Variants in PRKN observed in about 807,000 individuals in gnomAD.
PRKN encodes the protein E3 ubiquitin-protein ligase parkin.
In PRKN, 56 loss-of-function variants were observed where a neutral mutation model predicts 59.5. The ratio of observed to expected loss-of-function variants is 0.94; its 90% CI spans 0.76 to 1.18. The LOEUF is 1.18. PRKN is among the 50% of genes most tolerant of loss of function. PRKN has a pLI of 0.00. For synonymous variants in PRKN, 250 were observed against 222.1 expected (o/e 1.13, Z -1.12); for missense variants, 657 against 596.4 (o/e 1.10, Z -1.06).
At chr6:162,359,079 A>AATATATATATATATATATATATAT (rs1554304695) in intron 2 of PRKN, among the ~76,000 whole-genome samples, 7 of 83,244 alleles carry the variant, frequency 8.4e-5, no homozygotes, top group African/African-American at 5.1e-4. Flanking sequence ...AAAAAAAAAA[A>AATATATATATATATATATATATAT]ATATATATAT....
chr6:162,701,864 T>C (rs1041363235), intron 1 of PRKN, among the ~76,000 whole-genome samples: 15 of 115,738 alleles, frequency 1.3e-4, no homozygotes, highest in South Asian at 5.9e-4. Context: ...CATACATACA[T>C]ACACACACAC....
At chr6:161,431,125 C>A (rs545746266) in intron 9 of PRKN, among the ~76,000 whole-genome samples, 1 of 122,240 alleles carries the variant, frequency 8.2e-6, no homozygotes. Context: ...GGCAACAGAG[C>A]GAGACTCTGT....
At chr6:162,498,445 T>TC (rs1451262860) in intron 1 of PRKN, among the ~76,000 whole-genome samples, 2 of 108,476 alleles carry the variant, frequency 1.8e-5, no homozygotes, top group African/African-American at 3.7e-5. Flanking sequence ...TTTTCTTTTT[T>TC]TTTTTTTTTT....
At chr6:161,613,360 C>A (rs188161604) in intron 7 of PRKN, among the ~76,000 whole-genome samples, 77 of 147,398 alleles carry the variant, frequency 5.2e-4, no homozygotes, top group Admixed American at 1.3e-3. Flanking sequence ...CTTATGGATG[C>A]GCAAAGATTT....
chr6:162,350,449 T>TA (rs2128130877), intron 2 of PRKN, among the ~76,000 whole-genome samples: 1 of 152,212 alleles, frequency 6.6e-6, no homozygotes, highest in Admixed American at 6.5e-5. Context: ...CAAGCTACCG[T>TA]AAAAAAGAGT....
At chr6:161,595,068 G>A (rs190489606) in intron 7 of PRKN, among the ~76,000 whole-genome samples, 16 of 152,342 alleles carry the variant, frequency 1.1e-4, no homozygotes, top group African/African-American at 2.4e-4. Flanking sequence ...AAACAATGCC[G>A]TGAGAAATCT....
At chr6:161,885,278 A>C (rs1795092183) in intron 6 of PRKN, among the ~76,000 whole-genome samples, 1 of 152,162 alleles carries the variant, frequency 6.6e-6, no homozygotes, top group Admixed American at 6.6e-5. Context: ...GCGTATGGGA[A>C]GTGCTAGTTT....
At chr6:161,635,437 T>C (rs1167167791) in intron 7 of PRKN, among the ~76,000 whole-genome samples, 5 of 152,214 alleles carry the variant, frequency 3.3e-5, no homozygotes, top group African/African-American at 1.2e-4. Flanking sequence ...AATGCTTTGC[T>C]AGTCTGATTA....
At chr6:162,225,514 A>G (rs779024451) in intron 3 of PRKN, among the ~76,000 whole-genome samples, 3 of 152,116 alleles carry the variant, frequency 2.0e-5, no homozygotes, top group African/African-American at 4.8e-5. Flanking sequence ...AGTATTTCTA[A>G]GTTAATCTAA....
chr6:162,484,706 G>C (rs147864384), intron 1 of PRKN, among the ~76,000 whole-genome samples: 82 of 152,310 alleles, frequency 5.4e-4, no homozygotes, highest in African/African-American at 1.8e-3. Context: ...GCTGCAGTGA[G>C]ACGGGGCATG....
At chr6:162,667,611 T>G (rs1376758983) in intron 1 of PRKN, among the ~76,000 whole-genome samples, 1 of 152,090 alleles carries the variant, frequency 6.6e-6, no homozygotes, top group Non-Finnish European at 1.5e-5. Flanking sequence ...TGGTGTCCTA[T>G]ATATATATTT....
intron 4 of PRKN, among the ~76,000 whole-genome samples, chr6:162,191,209 C>G (rs1005638953): frequency 2.0e-5 from 3 of 152,110 alleles, no homozygotes; most frequent in African/African-American, 7.2e-5. Context: ...CACCCTCTGT[C>G]CTTGCTCATA....
In PRKN at chr6:161,460,603, C is replaced by T. The variant is rs1352154844; in HGVS notation, c.1084-73726G>A. Among the ~76,000 whole-genome samples, 5 of 152,020 alleles carry T rather than the reference C, an allele frequency of 3.3e-5. No homozygotes were observed. Among genetic ancestry groups the T allele is most frequent in the Admixed American group, 6.5e-5 (1 of 15,270 alleles). On this transcript the variant is annotated intron_variant, in intron 9 of 11. Transcript: ENST00000366898. This position sits in a 1 kb window ranked among gnomAD's most constrained non-coding sequence, Gnocchi z 5.0. ...GTGCCACATGTGCTGGCAGGAGTTC[C>T]GGGGGCACAAGGCCAAGCTGAAGAA...
At chr6:162,236,226 C>T (rs899409821) in intron 3 of PRKN, among the ~76,000 whole-genome samples, 2 of 152,170 alleles carry the variant, frequency 1.3e-5, no homozygotes, top group African/African-American at 4.8e-5. Flanking sequence ...TAGGACAAGG[C>T]CAGACTTCCA....
chr6:161,683,303 C>T (rs980995602), intron 7 of PRKN, among the ~76,000 whole-genome samples: 1 of 152,150 alleles, frequency 6.6e-6, no homozygotes, highest in Non-Finnish European at 1.5e-5. Flanking sequence ...TTCCCAGACG[C>T]GTCTGGGTCC....
intron 9 of PRKN, among the ~76,000 whole-genome samples, chr6:161,523,852 C>G (rs915593196): frequency 6.6e-6 from 1 of 152,088 alleles, no homozygotes; most frequent in African/African-American, 2.4e-5. Flanking sequence ...CAGAAGCAAA[C>G]CATTTTTCAA....
rs117336839 is a variant in PRKN at position 162,243,185 on chromosome 6, T to C, written c.412+19340A>G. The stretch of plus-strand genomic sequence containing the variant: ...TTGAGATGGGCTCAATTTATCATTT[T>C]ATTGAAAAGGTTCCATTATGCTAAT... On this transcript the variant is annotated intron_variant, in intron 3 of 11. Coordinates refer to ENST00000366898, the MANE Select transcript of PRKN (RefSeq NM_004562.3). Among the ~76,000 whole-genome samples, 148 of 151,436 alleles carry C rather than the reference T, an allele frequency of 9.8e-4. 2 individuals are homozygous for C. In the East Asian group the frequency reaches 0.024, roughly 25 times the overall value.
At chr6:162,504,938 G>T (rs1793541999) in intron 1 of PRKN, among the ~76,000 whole-genome samples, 1 of 152,174 alleles carries the variant, frequency 6.6e-6, no homozygotes, top group Admixed American at 6.5e-5. Flanking sequence ...CCGTAAGGAA[G>T]ATGCTCCACC....
chr6:162,083,716 A>T (rs1397681691), intron 4 of PRKN, among the ~76,000 whole-genome samples: 1 of 9,800 alleles, frequency 1.0e-4, no homozygotes, highest in Non-Finnish European at 1.7e-4. Context: ...CCACTTATCA[A>T]TTACACAGTT....
Sources: gnomAD v4.1 joint callset for allele counts (sites outside exome capture counted in the v4.1 genomes callset) on GRCh38, gnomAD v4.1.1 for gene constraint, Gnocchi (gnomAD v3.1) non-coding constraint, MANE v1.5 for transcripts, NCBI Gene and HGNC (gene_info 2026-07-23, HGNC 2026-07-21) for gene names.